LRFN2: variants seen among roughly 807,000 people sequenced by gnomAD.
LRFN2 encodes the protein leucine rich repeat and fibronectin type III domain containing 2, also known as leucine-rich repeat and fibronectin type-III domain-containing protein 2.
Under a neutral mutation model 37.3 loss-of-function variants are expected in LRFN2, and 18 were observed. The observed-to-expected ratio is 0.48, with a 90% CI of 0.33 to 0.72. LRFN2 has a LOEUF of 0.72. LRFN2 is among the 30% of genes least tolerant of loss of function. LRFN2 has a pLI of 0.02. For missense variants in LRFN2, 1,006 were observed against 1,060.7 expected, an observed-to-expected ratio of 0.95 and a Z score of 0.72; for synonymous variants, 556 against 466.6, an observed-to-expected ratio of 1.19 and a Z score of -2.47.
intron 1 of LRFN2, among the ~76,000 whole-genome samples, chr6:40,540,384 C>G (rs1419890295): frequency 6.6e-6 from 1 of 152,142 alleles, no homozygotes; most frequent in African/African-American, 2.4e-5. Context: ...TTCCAGATCC[C>G]AAGCTTTTGC....
At chr6:40,584,050 G>A (rs749725693) in intron 1 of LRFN2, among the ~76,000 whole-genome samples, 2 of 152,182 alleles carry the variant, frequency 1.3e-5, no homozygotes, top group African/African-American at 2.4e-5. Flanking sequence ...GGTGAAATTT[G>A]CTCCTCAACC....
chr6:40,570,115 G>GC (rs1767161505), intron 1 of LRFN2, among the ~76,000 whole-genome samples: 1 of 152,180 alleles, frequency 6.6e-6, no homozygotes. Flanking sequence ...GTTTGTTATA[G>GC]CCCCCCAGGT....
At chr6:40,563,938 T>G (rs1767044110) in intron 1 of LRFN2, among the ~76,000 whole-genome samples, 1 of 152,202 alleles carries the variant, frequency 6.6e-6, no homozygotes, top group Non-Finnish European at 1.5e-5. Flanking sequence ...GTAATTTATT[T>G]TCTTAAATGA....
intron 1 of LRFN2, among the ~76,000 whole-genome samples, chr6:40,439,537 T>G (rs552233458): frequency 6.6e-6 from 1 of 152,068 alleles, no homozygotes; most frequent in South Asian, 2.1e-4. Flanking sequence ...GATTTGGGAG[T>G]TGCTGGGGGT....
chr6:40,543,347 G>T (rs985838377), intron 1 of LRFN2, among the ~76,000 whole-genome samples: 1 of 152,176 alleles, frequency 6.6e-6, no homozygotes, highest in African/African-American at 2.4e-5. Context: ...TCATGTATGT[G>T]CCTGTCTCAT....
chr6:40,523,358 G>A (rs919517459), intron 1 of LRFN2, among the ~76,000 whole-genome samples: 29 of 152,094 alleles, frequency 1.9e-4, no homozygotes, highest in African/African-American at 6.7e-4. Context: ...CGCAAAATGG[G>A]GCACACCCCA....
intron 1 of LRFN2, among the ~76,000 whole-genome samples, chr6:40,487,786 G>A (rs115092305): frequency 4.6e-5 from 7 of 152,326 alleles, no homozygotes; most frequent in Middle Eastern, 3.4e-3. Flanking sequence ...CACATGGAGT[G>A]CCGCTGCCCA....
chr6:40,494,329 G>C (rs1409792330), intron 1 of LRFN2, among the ~76,000 whole-genome samples: 1 of 152,160 alleles, frequency 6.6e-6, no homozygotes, highest in African/African-American at 2.4e-5. Flanking sequence ...CTCAAAGGCT[G>C]CTCAGGGCGG....
intron 1 of LRFN2, among the ~76,000 whole-genome samples, chr6:40,483,100 G>A (rs187463241): frequency 3.3e-5 from 5 of 152,358 alleles, no homozygotes; most frequent in Admixed American, 1.3e-4. Context: ...GCCTGACTCT[G>A]GCAAGTTATT....
intron 1 of LRFN2, among the ~76,000 whole-genome samples, chr6:40,541,668 A>G (rs1488331525): frequency 6.6e-6 from 1 of 152,136 alleles, no homozygotes; most frequent in Non-Finnish European, 1.5e-5. Context: ...GGGGATACAG[A>G]TCATTGGCAC....
chr6:40,398,593 T>C (rs1762662960), intron 2 of LRFN2, among the ~76,000 whole-genome samples: 1 of 151,802 alleles, frequency 6.6e-6, no homozygotes, highest in Admixed American at 6.6e-5. Context: ...AACACGTCCC[T>C]GAAATCCTGA....
chr6:40,433,414 G>A (rs1483251679), intron 1 of LRFN2, among the ~76,000 whole-genome samples: 1 of 152,130 alleles, frequency 6.6e-6, no homozygotes, highest in Non-Finnish European at 1.5e-5. Flanking sequence ...AAGAGGGCAG[G>A]TACTTTTGCC....
chr6:40,526,083 G>GA (rs1766246827), intron 1 of LRFN2, among the ~76,000 whole-genome samples: 1 of 152,238 alleles, frequency 6.6e-6, no homozygotes, highest in Non-Finnish European at 1.5e-5. Flanking sequence ...GCACAGTTCT[G>GA]AGCACTGCTT....
At chr6:40,487,531 A>G (rs987749441) in intron 1 of LRFN2, among the ~76,000 whole-genome samples, 3 of 152,216 alleles carry the variant, frequency 2.0e-5, no homozygotes, top group Admixed American at 2.0e-4. Context: ...AAATGCACAC[A>G]TCCCGAAAAA....
rs142417733 is a variant in LRFN2 at position 40,473,356 on chromosome 6, C to G, written c.-18-40225G>C. Among the ~76,000 whole-genome samples the G allele has an allele frequency of 2.2e-3, 330 of 152,224 alleles. 1 individual carries two copies. The highest frequency in any genetic ancestry group is 7.4e-3 in the African/African-American group (308 of 41,522). ...CTAGAAAGTGCCTCTGCTTCAAAGT[C>G]AAGAAAACCTAGGTTTAAACTCCAG... On this transcript the variant is annotated intron_variant, in intron 1 of 2. Coordinates refer to ENST00000338305, the MANE Select transcript of LRFN2 (RefSeq NM_020737.3).
intron 1 of LRFN2, among the ~76,000 whole-genome samples, chr6:40,478,470 G>A (rs1257486069): frequency 6.6e-6 from 1 of 152,142 alleles, no homozygotes; most frequent in Non-Finnish European, 1.5e-5. Flanking sequence ...TTATACACAT[G>A]GGGGAAACTG....
chr6:40,397,869 G>A (rs1762648305), intron 2 of LRFN2, among the ~76,000 whole-genome samples: 1 of 148,524 alleles, frequency 6.7e-6, no homozygotes, highest in African/African-American at 2.4e-5. Flanking sequence ...ACAGATGGAT[G>A]CCGGCCCATG....
chr6:40,571,528 G>A (rs536373249), intron 1 of LRFN2, among the ~76,000 whole-genome samples: 75 of 152,292 alleles, frequency 4.9e-4, no homozygotes, highest in African/African-American at 1.8e-3. Context: ...CAATGGGGAG[G>A]GAGGGAGCTG....
At chr6:40,393,238 G>A (rs935645298) in intron 2 of LRFN2, among the ~76,000 whole-genome samples, 1 of 151,932 alleles carries the variant, frequency 6.6e-6, no homozygotes, top group African/African-American at 2.4e-5. Flanking sequence ...CAAGGGACAG[G>A]TTAGGGTGGA....
Sources: allele counts gnomAD v4.1 joint callset (sites outside exome capture counted in the v4.1 genomes callset), GRCh38; gene constraint gnomAD v4.1.1; transcripts MANE v1.5; gene names NCBI Gene and HGNC (gene_info 2026-07-23, HGNC 2026-07-21).